The following ARID2 variants were observed in gnomAD, a reference collection of about 807,000 sequenced individuals.
The protein encoded by ARID2 is AT-rich interaction domain 2, also known as AT-rich interactive domain-containing protein 2.
ARID2 carries 32 observed loss-of-function variants against 184.6 expected under a neutral mutation model. The observed-to-expected ratio is 0.17, with a 90% confidence interval of 0.13 to 0.23. The LOEUF (loss-of-function observed/expected upper bound fraction) is 0.23, where lower values mean the gene tolerates loss of function less well. Ranked by LOEUF, ARID2 falls within the 10% of genes least tolerant of loss-of-function variation. ARID2 has a pLI of 1.00. For synonymous variants in ARID2, 836 were observed against 772.6 expected, an observed-to-expected ratio of 1.08 and a Z score of -1.36; for missense variants, 1,696 against 2,197.6, an observed-to-expected ratio of 0.77 and a Z score of 4.56.
At chr12:45,824,196 T>C (rs751780768) in intron 6 of ARID2, among the ~76,000 whole-genome samples, 1 of 152,166 alleles carries the variant, frequency 6.6e-6, no homozygotes, top group Non-Finnish European at 1.5e-5. Flanking sequence ...TGTAGATTTG[T>C]CATACGTGGC....
chr12:45,788,585 T>C (rs1942237678), intron 3 of ARID2, among the ~76,000 whole-genome samples: 1 of 152,154 alleles, frequency 6.6e-6, no homozygotes, highest in African/African-American at 2.4e-5. Context: ...TAAGAAGTAT[T>C]ATAGCTCCCT....
At chr12:45,787,114 G>T (rs1332692678) in intron 3 of ARID2, among the ~76,000 whole-genome samples, 1 of 152,062 alleles carries the variant, frequency 6.6e-6, no homozygotes, top group Admixed American at 6.6e-5. Context: ...AACTAAAAGT[G>T]TAGAGTTTAA....
intron 5 of ARID2, among the ~76,000 whole-genome samples, chr12:45,820,086 C>CTT (rs1942872873): frequency 6.6e-6 from 1 of 152,040 alleles, no homozygotes; most frequent in Admixed American, 6.6e-5. Context: ...ACAAAGAAAA[C>CTT]TTTGTCTGTC....
chr12:45,893,046 G>T (rs941084644), intron 18 of ARID2, among the ~76,000 whole-genome samples: 1 of 152,100 alleles, frequency 6.6e-6, no homozygotes, highest in Non-Finnish European at 1.5e-5. Flanking sequence ...AGCAAAAATT[G>T]TAGACTTTTC....
chr12:45,758,335 A>G lies in ARID2; in HGVS notation c.284+27021A>G, dbSNP rs79434906. 3.8e-3 allele frequency among the ~76,000 whole-genome samples: 574 copies of G among 152,298 alleles called. 5 individuals carry two copies. The highest frequency in any genetic ancestry group is 0.013 in the African/African-American group (543 of 41,568). ...TGTATGAGGCCCAACACAAGTTTGTAAACTTTCTTAAAACATTATGACATT... is the reference window on the plus strand; with the variant it reads ...TGTATGAGGCCCAACACAAGTTTGTGAACTTTCTTAAAACATTATGACATT... On this transcript the variant is annotated intron_variant, in intron 3 of 20. Transcript: ENST00000334344.
chr12:45,871,825 T>C (rs1943930686), intron 16 of ARID2, among the ~76,000 whole-genome samples: 10 of 152,230 alleles, frequency 6.6e-5, no homozygotes, highest in Admixed American at 6.5e-4. Flanking sequence ...TGTTGCTCCT[T>C]GAGTGAGTTT....
At chr12:45,856,043 T>C (rs1229810593) in intron 15 of ARID2, among the ~76,000 whole-genome samples, 2 of 150,618 alleles carry the variant, frequency 1.3e-5, no homozygotes, top group South Asian at 2.1e-4. Context: ...AATTTCTTTA[T>C]GTACTCTTTT....
At position 45,851,493 on chromosome 12, in the gene ARID2, C is replaced by G. The variant is rs746105658; in HGVS notation, c.3370C>G (p.Gln1124Glu). 2 of 1,614,112 alleles carry G rather than the reference C, an allele frequency of 1.2e-6. No individual in the cohort carries two copies. Among genetic ancestry groups the G allele is most frequent in the African/African-American group, 2.7e-5 (2 of 75,020 alleles). Reference sequence around the variant, plus strand: ...TCCAGCTCAGCAGCTATTGGTTGGGCAGCAAAATGTTCAGTTGGTCCCAAG... The same window carrying G: ...TCCAGCTCAGCAGCTATTGGTTGGGGAGCAAAATGTTCAGTTGGTCCCAAG... ...QTPAQQLLVG[Q>E]QNVQLVPSAM... Residue 1124 changes from glutamine to glutamate, a missense_variant, in exon 15 of 21, where the codon CAG becomes GAG. By Grantham distance (29) the Gln-to-Glu change is conservative (BLOSUM62 2). Coordinates refer to ENST00000334344, the MANE Select transcript of ARID2 (RefSeq NM_152641.4).
At chr12:45,848,565 G>C (rs1397249193) in intron 12 of ARID2, among the ~76,000 whole-genome samples, 1 of 152,060 alleles carries the variant, frequency 6.6e-6, no homozygotes, top group Non-Finnish European at 1.5e-5. Context: ...AACATTTGTT[G>C]TCAGCAGACC....
intron 20 of ARID2, among the ~76,000 whole-genome samples, chr12:45,896,985 A>G (rs1256946985): frequency 6.6e-6 from 1 of 152,238 alleles, no homozygotes; most frequent in Non-Finnish European, 1.5e-5. Flanking sequence ...AATAGCAGAA[A>G]CAATCTTGAG....
intron 20 of ARID2, among the ~76,000 whole-genome samples, chr12:45,898,596 C>A (rs1314623019): frequency 1.3e-5 from 2 of 152,156 alleles, no homozygotes; most frequent in Non-Finnish European, 2.9e-5. Context: ...CGTGAATATA[C>A]TAAAAACGAG....
intron 6 of ARID2, among the ~76,000 whole-genome samples, chr12:45,833,168 C>A (rs906838678): frequency 6.6e-6 from 1 of 152,104 alleles, no homozygotes; most frequent in Non-Finnish European, 1.5e-5. Context: ...AGATGGTCCC[C>A]AAGTTATGAT....
intron 15 of ARID2, among the ~76,000 whole-genome samples, chr12:45,860,052 C>A (rs1319327800): frequency 1.3e-5 from 2 of 151,230 alleles, no homozygotes; most frequent in Non-Finnish European, 2.9e-5. Flanking sequence ...ACATAAATAA[C>A]AAAAGATATA....
At chr12:45,903,928 C>A (rs1220256335) in intron 20 of ARID2, among the ~76,000 whole-genome samples, 3 of 151,940 alleles carry the variant, frequency 2.0e-5, no homozygotes, top group Non-Finnish European at 2.9e-5. Flanking sequence ...ATTTTTTATA[C>A]CTGCCACCTA....
At chr12:45,843,402 G>A (rs960319572) in intron 11 of ARID2, among the ~76,000 whole-genome samples, 14 of 148,838 alleles carry the variant, frequency 9.4e-5, no homozygotes, top group East Asian at 2.0e-4. Context: ...TAAAGACAGC[G>A]TCTCACTCTT....
chr12:45,793,563 G>GTA (rs1297131264), intron 3 of ARID2, among the ~76,000 whole-genome samples: 1 of 150,656 alleles, frequency 6.6e-6, no homozygotes, highest in Non-Finnish European at 1.5e-5. Context: ...GTGTGTGTGT[G>GTA]TATATGTATT....
At chr12:45,788,817 G>C (rs1942241843) in intron 3 of ARID2, among the ~76,000 whole-genome samples, 1 of 152,180 alleles carries the variant, frequency 6.6e-6, no homozygotes, top group Non-Finnish European at 1.5e-5. Context: ...TTTTATGAGA[G>C]TGTGAATAGA....
intron 3 of ARID2, among the ~76,000 whole-genome samples, chr12:45,805,233 G>A (rs892534539): frequency 1.3e-5 from 2 of 151,718 alleles, no homozygotes; most frequent in African/African-American, 4.8e-5. Flanking sequence ...GATTTTGAAA[G>A]TAATGATCCT....
chr12:45,777,731 C>T (rs1381804764), intron 3 of ARID2, among the ~76,000 whole-genome samples: 1 of 150,712 alleles, frequency 6.6e-6, no homozygotes, highest in African/African-American at 2.4e-5. Flanking sequence ...CCTTTCTTAG[C>T]GTTGTCGTAG....
Sources: gnomAD v4.1 joint callset for allele counts (sites outside exome capture counted in the v4.1 genomes callset) on GRCh38, gnomAD v4.1.1 for gene constraint, MANE v1.5 for transcripts, NCBI Gene and HGNC (gene_info 2026-07-23, HGNC 2026-07-21) for gene names.